Variants in DOK4 observed in about 807,000 individuals in gnomAD.
DOK4 encodes docking protein 4.
Under a neutral mutation model 40.1 loss-of-function variants are expected in DOK4, and 26 were observed. That is an observed-to-expected ratio of 0.65 (90% CI 0.48 to 0.90). The LOEUF (loss-of-function observed/expected upper bound fraction) is 0.90. Ranked by LOEUF, DOK4 falls within the 40% of genes least tolerant of loss-of-function variation. The pLI, the probability that DOK4 is intolerant of heterozygous loss-of-function variation, is 0.00. For synonymous variants in DOK4, 179 were observed against 177.0 expected, an observed-to-expected ratio of 1.01 and a Z score of -0.09; for missense variants, 392 against 437.2, an observed-to-expected ratio of 0.90 and a Z score of 0.92.
chr16:57,476,249 G>A (rs569763118), intron 2 of DOK4: 11 of 413,928 alleles, frequency 2.7e-5, no homozygotes, highest in South Asian at 2.6e-4. Context: ...TTTAGTGTGA[G>A]TAGCCAACGT....
intron 3 of DOK4, 40 bp from the exon 4 acceptor site, chr16:57,475,660 ATCTCTCTCTCTCTCTCTCTC>A: frequency 2.1e-6 from 1 of 476,182 alleles, no homozygotes; most frequent in Non-Finnish European, 3.4e-6. Flanking sequence ...AGGCCAGTGC[ATCTCTCTCTCTCTCTCTCTC>A]TCTCTCTCTC....
At chr16:57,473,634 C>T (rs560718759) in exon 8 of DOK4, 12 of 1,614,220 alleles carry the variant, frequency 7.4e-6, no homozygotes, top group East Asian at 2.2e-5. Flanking sequence ...GAGGCTTCGG[C>T]GATGTTCTGG....
chr16:57,474,697 A>T (rs1412248251), intron 6 of DOK4, 96 bp downstream of exon 6: 1 of 1,458,458 alleles, frequency 6.9e-7, no homozygotes, highest in Admixed American at 2.0e-5. Context: ...TAGGCCAATA[A>T]GTAAACCAAG....
In DOK4 at chr16:57,479,484, G is replaced by A. The variant is rs766771892; in HGVS notation, c.24C>T (p.Ile8=). 23 of 1,613,668 alleles carry A rather than the reference G, an allele frequency of 1.4e-5. 1 individual carries two copies. The highest frequency in any genetic ancestry group is 8.8e-5 in the South Asian group (8 of 91,072). ...TCATCTTCACGTAGCCTTGCTTGAC[G>A]ATGTCACTGAAATTGGTCGCCATGG... Residue 8 remains isoleucine (I), a synonymous_variant, in exon 2 of 9, where the codon ATC becomes ATT. Coordinates refer to ENST00000340099, the Ensembl canonical transcript of DOK4. The surrounding 1 kb of genome is among the most constrained non-coding windows in gnomAD (Gnocchi z 5.8).
Position 57,485,910 on chromosome 16 carries a change from A to C in DOK4, c.-182+395T>G, listed in dbSNP as rs963720151. Among the ~76,000 whole-genome samples, 13 of 152,140 alleles carry C rather than the reference A, an allele frequency of 8.5e-5. No individual in the cohort carries two copies. Among genetic ancestry groups the C allele is most frequent in the African/African-American group, 2.7e-4 (11 of 41,442 alleles). ...CTTGGAATTTGGAGGAGGTGAGCGAACAGGAGGCCCCGGGGAGGAGCAGGA... is the reference window on the plus strand; with the variant it reads ...CTTGGAATTTGGAGGAGGTGAGCGACCAGGAGGCCCCGGGGAGGAGCAGGA... On this transcript the variant is annotated intron_variant, in intron 1 of 8. Transcript: ENST00000340099. This position sits in a 1 kb window ranked among gnomAD's most constrained non-coding sequence, Gnocchi z 4.3.
chr16:57,476,080 C>T (rs1290697392), intron 2 of DOK4, 123 bp from the exon 3 acceptor site: 1 of 776,812 alleles, frequency 1.3e-6, no homozygotes, highest in Admixed American at 2.2e-5. Flanking sequence ...GGAGCCCCAG[C>T]CTGGGGACAC....
chr16:57,475,541 G>C (rs1321002679), exon 4 of DOK4: 4 of 1,609,786 alleles, frequency 2.5e-6, no homozygotes. Flanking sequence ...CGAGTCATCA[G>C]TGAATATGAT....
At position 57,479,417 on chromosome 16, in the gene DOK4, C is replaced by A. The variant is rs199832748; in HGVS notation, c.66+25G>T. 159 of 1,611,796 alleles carry A rather than the reference C, an allele frequency of 9.9e-5. No individual in the cohort carries two copies. The African/African-American group carries it at 2.0e-3, about 20-fold the overall frequency. On this transcript the variant is annotated intron_variant, in intron 2 of 8. Coordinates refer to ENST00000340099, the Ensembl canonical transcript of DOK4. The surrounding 1 kb of genome is among the most constrained non-coding windows in gnomAD (Gnocchi z 5.8). ...TCGGGCCCCCATCCCTTGGCAGGGC[C>A]CCTCCGCAGCTCAGGGTCACTCACC... is the stretch of plus-strand genomic sequence containing the variant.
In DOK4 at chr16:57,473,907, GTTC is replaced by G. The variant is rs759209529; in HGVS notation, c.729_731del (p.Lys243del). The G allele has an allele frequency of 8.1e-5, 123 of 1,526,430 alleles. No homozygotes were observed. The East Asian group carries it at 1.6e-3, about 20-fold the overall frequency. 94.6% of individuals were successfully genotyped at this position (1,526,430 alleles called of 1,614,324 possible). The stretch of plus-strand genomic sequence containing the variant: ...CTGATGCCCGCTGCCTCACCCTCAC[GTTC>G]TTCTCCATTTCCAGCAGGACCCGCT... On this transcript the variant is annotated inframe_deletion, in exon 7 of 9. Transcript: ENST00000340099.
At chr16:57,474,977 A>G in exon 6 of DOK4, 1 of 1,607,188 alleles carries the variant, frequency 6.2e-7, no homozygotes, top group Non-Finnish European at 8.5e-7. Context: ...AAGACATTGA[A>G]GCGATCTGGA....
chr16:57,474,889 T>A, exon 6 of DOK4: 1 of 1,614,134 alleles, frequency 6.2e-7, no homozygotes, highest in Non-Finnish European at 8.5e-7. Context: ...GTTGTGGATG[T>A]CCCAGAGGTA....
exon 7 of DOK4, chr16:57,473,941 T>G: frequency 6.2e-7 from 1 of 1,609,512 alleles, no homozygotes; most frequent in Non-Finnish European, 8.5e-7. Context: ...CCGCTTGTGC[T>G]GCTCTGCGAT....
At chr16:57,480,669 T>C (rs1188281470) in intron 1 of DOK4, among the ~76,000 whole-genome samples, 44 of 151,660 alleles carry the variant, frequency 2.9e-4, no homozygotes, top group Non-Finnish European at 2.1e-4. Flanking sequence ...CAGGAGACAA[T>C]GTGGGATACC....
intron 2 of DOK4, among the ~76,000 whole-genome samples, chr16:57,478,188 A>G (rs1257605699): frequency 1.3e-5 from 2 of 152,084 alleles, no homozygotes; most frequent in African/African-American, 4.8e-5. Context: ...CCCCTTTCAG[A>G]GGAAGAGCAA....
rs762520480 is a variant in DOK4 at position 57,475,474 on chromosome 16, G to A, written c.289+32C>T. ...ACCTCTGACCAAGACCACCCCAGGG[G>A]AGGCAGATGGAGGCCCATACTCGCG... On this transcript the variant is annotated intron_variant, in intron 4 of 8. Transcript: ENST00000340099. 6.4e-6 allele frequency: 10 copies of A among 1,566,192 alleles called. No individual in the cohort carries two copies. The South Asian group carries it at 1.0e-4, about 16-fold the overall frequency.
chr16:57,481,730 C>G (rs1225753107), intron 1 of DOK4: 2 of 152,228 alleles, frequency 1.3e-5, no homozygotes, highest in Admixed American at 1.3e-4. Context: ...TGGTCCTGGG[C>G]AAGCCGCTTA....
chr16:57,483,387 T>C (rs1170793083), intron 1 of DOK4, among the ~76,000 whole-genome samples: 3 of 151,878 alleles, frequency 2.0e-5, no homozygotes, highest in Non-Finnish European at 2.9e-5. Context: ...TCCCAACACT[T>C]TGGGAGGCCA....
chr16:57,473,994 C>G (rs138895105), exon 7 of DOK4: 27 of 1,614,054 alleles, frequency 1.7e-5, no homozygotes, highest in Admixed American at 3.3e-5. Flanking sequence ...TCTGCTCCCC[C>G]TCTTGTGTCT....
At chr16:57,478,249 C>A (rs1445313436) in intron 2 of DOK4, among the ~76,000 whole-genome samples, 1 of 152,182 alleles carries the variant, frequency 6.6e-6, no homozygotes, top group Admixed American at 6.5e-5. Flanking sequence ...AGCCCCAGGG[C>A]AGGGAGGCAC....
Sources: gnomAD v4.1 joint callset for allele counts (sites outside exome capture counted in the v4.1 genomes callset) on GRCh38, gnomAD v4.1.1 for gene constraint, Gnocchi (gnomAD v3.1) non-coding constraint, MANE v1.5 for transcripts, NCBI Gene and HGNC (gene_info 2026-07-23, HGNC 2026-07-21) for gene names.